Variants in GRIK2 observed in about 807,000 individuals in gnomAD.
The protein encoded by GRIK2 is glutamate ionotropic receptor kainate type subunit 2.
A neutral mutation model predicts 100.3 loss-of-function variants in GRIK2; 32 were observed. That is an observed-to-expected ratio of 0.32 (90% confidence interval 0.24 to 0.43). GRIK2 has a LOEUF of 0.43. Ranked by LOEUF, GRIK2 falls within the 20% of genes least tolerant of loss-of-function variation. GRIK2 has a pLI of 1.00. For missense variants in GRIK2, 843 were observed against 1,114.9 expected (o/e 0.76, Z 3.47); for synonymous variants, 417 against 389.4 (o/e 1.07, Z -0.83).
intron 14 of GRIK2, among the ~76,000 whole-genome samples, chr6:102,004,833 G>T (rs1367674302): frequency 3.3e-5 from 5 of 151,032 alleles, no homozygotes; most frequent in African/African-American, 1.2e-4. Context: ...TAGTTAAACT[G>T]CCCCCCCACC....
chr6:101,534,044 G>T (rs535893373), intron 2 of GRIK2, among the ~76,000 whole-genome samples: 1 of 151,788 alleles, frequency 6.6e-6, no homozygotes, highest in African/African-American at 2.4e-5. Context: ...CAAAAGCATC[G>T]CAAGCAGGCC....
intron 7 of GRIK2, among the ~76,000 whole-genome samples, chr6:101,688,292 A>C (rs1054551171): frequency 7.9e-5 from 12 of 151,760 alleles, no homozygotes; most frequent in South Asian, 2.1e-4. Context: ...AAATAAGTCC[A>C]ATGACTAATG....
chr6:101,499,142 C>T (rs1332002326), intron 2 of GRIK2, among the ~76,000 whole-genome samples: 1 of 152,122 alleles, frequency 6.6e-6, no homozygotes, highest in Non-Finnish European at 1.5e-5. Context: ...GGATTAAAGA[C>T]TTAAACGTTA....
At chr6:101,689,720 A>T (rs976644594) in intron 7 of GRIK2, among the ~76,000 whole-genome samples, 11 of 152,070 alleles carry the variant, frequency 7.2e-5, no homozygotes, top group Non-Finnish European at 2.9e-5. Flanking sequence ...TCTTTTACAC[A>T]TGAGGGTTTT....
intron 7 of GRIK2, among the ~76,000 whole-genome samples, chr6:101,769,461 CA>C (rs1333092725): frequency 1.3e-5 from 2 of 152,070 alleles, no homozygotes; most frequent in African/African-American, 4.8e-5. Flanking sequence ...CCTGGAAATA[CA>C]GAAGTCTACT....
rs150628302 is a variant in GRIK2 at position 101,445,511 on chromosome 6, G to A, written c.115+46119G>A. On this transcript the variant is annotated intron_variant, in intron 2 of 16. Transcript: ENST00000369134. ...TTCATTCTGGTTTGCCTGCTTAAAT[G>A]TTCAGCTTGTACTCCAGGGACAGCC... 4.9e-3 allele frequency among the ~76,000 whole-genome samples: 752 copies of A among 152,116 alleles called. 7 individuals are homozygous for A. Among genetic ancestry groups the A allele is most frequent in the South Asian group, 0.031 (148 of 4,822 alleles).
At chr6:101,915,397 A>G (rs1789036477) in intron 12 of GRIK2, among the ~76,000 whole-genome samples, 1 of 151,480 alleles carries the variant, frequency 6.6e-6, no homozygotes, top group South Asian at 2.1e-4. Flanking sequence ...AAATTAAAAA[A>G]ACAAGCAAAC....
intron 4 of GRIK2, among the ~76,000 whole-genome samples, chr6:101,646,307 T>C (rs1455123702): frequency 6.6e-6 from 1 of 151,988 alleles, no homozygotes; most frequent in Non-Finnish European, 1.5e-5. Flanking sequence ...AAAGTTTTTG[T>C]ATCTTCTTGA....
At chr6:101,688,857 C>T (rs1409731123) in intron 7 of GRIK2, among the ~76,000 whole-genome samples, 2 of 151,704 alleles carry the variant, frequency 1.3e-5, no homozygotes, top group Non-Finnish European at 2.9e-5. Context: ...TTTACAATTT[C>T]CCTTTTGGAA....
intron 11 of GRIK2, among the ~76,000 whole-genome samples, chr6:101,870,379 A>G (rs1035851616): frequency 2.0e-5 from 3 of 151,834 alleles, no homozygotes; most frequent in African/African-American, 7.3e-5. Flanking sequence ...AGTTTGTCCA[A>G]TTCAATGTAT....
intron 9 of GRIK2, among the ~76,000 whole-genome samples, chr6:101,811,852 A>C (rs1380812958): frequency 6.6e-6 from 1 of 151,766 alleles, no homozygotes; most frequent in Admixed American, 6.6e-5. Context: ...AATAAACAAT[A>C]AAGAAGCAAC....
intron 2 of GRIK2, among the ~76,000 whole-genome samples, chr6:101,477,747 C>G (rs943985137): frequency 6.6e-6 from 1 of 151,970 alleles, no homozygotes; most frequent in African/African-American, 2.4e-5. Context: ...AAATGAGCAA[C>G]AGAAGGGAGG....
At chr6:101,684,291 T>A (rs879547946) in intron 6 of GRIK2, among the ~76,000 whole-genome samples, 1 of 152,140 alleles carries the variant, frequency 6.6e-6, no homozygotes, top group Admixed American at 6.5e-5. Flanking sequence ...TATCTCTCAA[T>A]AGGGAAAATA....
chr6:101,768,363 T>C (rs1002723652), intron 7 of GRIK2, among the ~76,000 whole-genome samples: 1 of 152,198 alleles, frequency 6.6e-6, no homozygotes, highest in Non-Finnish European at 1.5e-5. Flanking sequence ...CAACTGGTGT[T>C]TGACATGCAT....
At chr6:102,055,063 C>T (rs1211024687) in intron 15 of GRIK2, among the ~76,000 whole-genome samples, 13 of 152,142 alleles carry the variant, frequency 8.5e-5, no homozygotes, top group Admixed American at 8.5e-4. Context: ...TACTGTTTTA[C>T]AATGCTGTAA....
chr6:101,744,070 G>A (rs1411798627), intron 7 of GRIK2, among the ~76,000 whole-genome samples: 1 of 152,060 alleles, frequency 6.6e-6, no homozygotes, highest in African/African-American at 2.4e-5. Context: ...AGCCTCCTGA[G>A]TAGCTGGGAC....
At chr6:102,030,273 C>T (rs1023014648) in intron 14 of GRIK2, among the ~76,000 whole-genome samples, 8 of 151,346 alleles carry the variant, frequency 5.3e-5, no homozygotes, top group African/African-American at 1.7e-4. Flanking sequence ...TTAAACCTCT[C>T]CTTTCTTTTG....
At chr6:101,949,562 T>C (rs1425094547) in intron 14 of GRIK2, among the ~76,000 whole-genome samples, 2 of 152,110 alleles carry the variant, frequency 1.3e-5, no homozygotes, top group Non-Finnish European at 2.9e-5. Context: ...CCTGTGTCCA[T>C]GCGTTCTCAT....
chr6:101,537,442 T>TTG (rs72439810), intron 2 of GRIK2, among the ~76,000 whole-genome samples: 2 of 134,072 alleles, frequency 1.5e-5, no homozygotes, highest in African/African-American at 2.8e-5. Flanking sequence ...GTGTGTGTGT[T>TTG]TGTGTGTGTG....
Sources: allele counts gnomAD v4.1 joint callset (sites outside exome capture counted in the v4.1 genomes callset), GRCh38; gene constraint gnomAD v4.1.1; transcripts MANE v1.5; gene names NCBI Gene and HGNC (gene_info 2026-07-23, HGNC 2026-07-21).